Variants in SUPT3H observed in about 807,000 individuals in gnomAD.
SUPT3H encodes the protein transcription initiation protein SPT3 homolog.
In SUPT3H, 44 loss-of-function variants were observed where a neutral mutation model predicts 44.3. The ratio of observed to expected loss-of-function variants is 0.99; its 90% CI spans 0.78 to 1.28. The LOEUF (loss-of-function observed/expected upper bound fraction) is 1.28, where lower values mean the gene tolerates loss of function less well. SUPT3H is among the 50% of genes most tolerant of loss of function. SUPT3H has a pLI of 0.00. For missense variants in SUPT3H, 380 were observed against 387.1 expected, an observed-to-expected ratio of 0.98 and a Z score of 0.15; for synonymous variants, 124 against 125.6, an observed-to-expected ratio of 0.99 and a Z score of 0.09.
At chr6:45,370,909 T>C (rs557956113) in intron 1 of SUPT3H, among the ~76,000 whole-genome samples, 29 of 152,010 alleles carry the variant, frequency 1.9e-4, no homozygotes, top group Non-Finnish European at 3.5e-4. Context: ...CACAGAAAAA[T>C]TGAGTTTAAA....
Position 44,927,637 on chromosome 6 carries a change from C to T in SUPT3H, c.912+5016G>A, listed in dbSNP as rs533087645. On this transcript the variant is annotated intron_variant, in intron 10 of 10. Transcript: ENST00000371459. Reference sequence around the variant, plus strand: ...AAAAATCGGGTGGTAAGTATGTACACTCAGTTGCTAAGACTTATTTATGAT... The same window carrying T: ...AAAAATCGGGTGGTAAGTATGTACATTCAGTTGCTAAGACTTATTTATGAT... 7.9e-5 allele frequency among the ~76,000 whole-genome samples: 12 copies of T among 152,130 alleles called. No homozygotes were observed. In the South Asian group the frequency reaches 2.3e-3, roughly 29 times the overall value.
chr6:45,072,638 T>C (rs559653710), intron 3 of SUPT3H, among the ~76,000 whole-genome samples: 2 of 16,770 alleles, frequency 1.2e-4, no homozygotes, highest in Admixed American at 2.0e-3. Flanking sequence ...ATTGTTTCAC[T>C]TCAGCATAAA....
chr6:45,124,931 C>G (rs1802210507), intron 2 of SUPT3H, among the ~76,000 whole-genome samples: 1 of 152,026 alleles, frequency 6.6e-6, no homozygotes, highest in Admixed American at 6.6e-5. Flanking sequence ...GAGACAGACA[C>G]ACACAGAGGG....
intron 7 of SUPT3H, among the ~76,000 whole-genome samples, chr6:44,961,522 GTA>G (rs1776018093): frequency 6.6e-6 from 1 of 152,126 alleles, no homozygotes; most frequent in South Asian, 2.1e-4. Flanking sequence ...ATAGCACTCT[GTA>G]TATTACCAGC....
Position 45,223,970 on chromosome 6 carries a change from C to T in SUPT3H, c.102-117964G>A, listed in dbSNP as rs948907328. Among the ~76,000 whole-genome samples the T allele has an allele frequency of 2.7e-5, 4 of 148,134 alleles. No individual in the cohort carries two copies. In the East Asian group the frequency reaches 5.9e-4, roughly 22 times the overall value. ...CCAACAGTAAATTACACCAACAAGC[C>T]TTAATAAAATATATCTAATATCTTA... On this transcript the variant is annotated intron_variant, in intron 2 of 10. Transcript: ENST00000371459.
intron 6 of SUPT3H, among the ~76,000 whole-genome samples, chr6:44,989,952 T>C (rs1022246748): frequency 6.6e-6 from 1 of 152,086 alleles, no homozygotes; most frequent in African/African-American, 2.4e-5. Flanking sequence ...CAGGTTTCCT[T>C]TTCATATTGT....
chr6:45,146,117 T>A (rs1271886732), intron 2 of SUPT3H, among the ~76,000 whole-genome samples: 1 of 152,004 alleles, frequency 6.6e-6, no homozygotes, highest in East Asian at 1.9e-4. Flanking sequence ...GGAGATTCCT[T>A]AAAGAACTAC....
At chr6:44,974,839 C>T (rs913154192) in intron 6 of SUPT3H, among the ~76,000 whole-genome samples, 2 of 152,012 alleles carry the variant, frequency 1.3e-5, no homozygotes, top group Non-Finnish European at 2.9e-5. Flanking sequence ...AATTCTATAC[C>T]CTATGTGAAA....
chr6:45,193,495 A>T (rs989341483), intron 2 of SUPT3H, among the ~76,000 whole-genome samples: 14 of 152,158 alleles, frequency 9.2e-5, no homozygotes, highest in Admixed American at 7.2e-4. Context: ...CTCCAGGGCC[A>T]AGCAGAGTCA....
intron 9 of SUPT3H, among the ~76,000 whole-genome samples, chr6:44,951,809 G>A (rs908778723): frequency 4.6e-5 from 7 of 152,156 alleles, no homozygotes; most frequent in South Asian, 2.1e-4. Flanking sequence ...AACTAGGCCC[G>A]TTGTGTTCAC....
chr6:45,279,284 C>T (rs1449110939), intron 2 of SUPT3H, among the ~76,000 whole-genome samples: 1 of 152,068 alleles, frequency 6.6e-6, no homozygotes, highest in African/African-American at 2.4e-5. Context: ...GTAAAATGTA[C>T]ATATTTAATG....
chr6:45,296,314 T>A lies in SUPT3H; in HGVS notation c.101+68887A>T, dbSNP rs151166143. Among the ~76,000 whole-genome samples, 451 of 152,028 alleles carry A rather than the reference T, an allele frequency of 3.0e-3. 5 individuals are homozygous for A. Among genetic ancestry groups the A allele is most frequent in the African/African-American group, 0.011 (436 of 41,490 alleles). ...TACTCTAAGTGAAGTAATGCAGGAA[T>A]AGAAAACCAAACATCGTTATTTTCT... On this transcript the variant is annotated intron_variant, in intron 2 of 10. Coordinates refer to ENST00000371459, the MANE Select transcript of SUPT3H (RefSeq NM_003599.4).
intron 6 of SUPT3H, among the ~76,000 whole-genome samples, chr6:44,989,008 C>A (rs1180332951): frequency 6.6e-6 from 1 of 152,024 alleles, no homozygotes; most frequent in Non-Finnish European, 1.5e-5. Flanking sequence ...CCTCAGAGAT[C>A]CCACAATTCT....
intron 10 of SUPT3H, among the ~76,000 whole-genome samples, chr6:44,846,764 T>C (rs1008223735): frequency 6.6e-6 from 1 of 152,140 alleles, no homozygotes; most frequent in South Asian, 2.1e-4. Flanking sequence ...TCTGAGTAGC[T>C]GGGATTACAG....
At position 44,839,890 on chromosome 6, in the gene SUPT3H, T is replaced by C. The variant is rs181357359; in HGVS notation, c.913-10033A>G. Reference sequence around the variant, plus strand: ...CTACTTTTTGTATTTTTAGTAGAGATGGGGTTTCACCGTGTTAGCCAGGAT... The same window carrying C: ...CTACTTTTTGTATTTTTAGTAGAGACGGGGTTTCACCGTGTTAGCCAGGAT... On this transcript the variant is annotated intron_variant, in intron 10 of 10. Coordinates refer to ENST00000371459, the MANE Select transcript of SUPT3H (RefSeq NM_003599.4). Among the ~76,000 whole-genome samples, 1,018 of 152,204 alleles carry C rather than the reference T, an allele frequency of 6.7e-3. 8 individuals are homozygous for C. Among genetic ancestry groups the C allele is most frequent in the African/African-American group, 0.018 (766 of 41,530 alleles).
At chr6:45,273,811 C>G (rs1776590739) in intron 2 of SUPT3H, among the ~76,000 whole-genome samples, 1 of 152,102 alleles carries the variant, frequency 6.6e-6, no homozygotes, top group South Asian at 2.1e-4. Context: ...ATTTTCATTT[C>G]TCTTCATTCT....
downstream of SUPT3H, among the ~76,000 whole-genome samples, chr6:44,824,737 C>T (rs1025616863): frequency 1.3e-5 from 2 of 152,094 alleles, no homozygotes; most frequent in Non-Finnish European, 2.9e-5. Context: ...AGACCTGACT[C>T]TCTCTCTCTG....
intron 2 of SUPT3H, among the ~76,000 whole-genome samples, chr6:45,231,236 C>T (rs1767988713): frequency 6.6e-6 from 1 of 152,080 alleles, no homozygotes; most frequent in Non-Finnish European, 1.5e-5. Context: ...CTTTTGCTTG[C>T]TTCTAGGTTT....
chr6:45,034,343 G>A (rs142677425), intron 3 of SUPT3H, among the ~76,000 whole-genome samples: 1 of 151,712 alleles, frequency 6.6e-6, no homozygotes, highest in Admixed American at 6.6e-5. Context: ...AGAAGTCAGA[G>A]GGCAAGAGAG....
Sources: gnomAD v4.1 joint callset for allele counts (sites outside exome capture counted in the v4.1 genomes callset) on GRCh38, gnomAD v4.1.1 for gene constraint, MANE v1.5 for transcripts, NCBI Gene and HGNC (gene_info 2026-07-23, HGNC 2026-07-21) for gene names.